ABCA5: variants seen among roughly 807,000 people sequenced by gnomAD.
The protein encoded by ABCA5 is ATP binding cassette subfamily A member 5.
In ABCA5, 163 loss-of-function variants were observed where a neutral mutation model predicts 206.0. That is an observed-to-expected ratio of 0.79 (90% confidence interval 0.70 to 0.90). The LOEUF (loss-of-function observed/expected upper bound fraction) is 0.90, where lower values mean the gene tolerates loss of function less well. ABCA5 is among the 40% of genes least tolerant of loss of function. ABCA5 has a pLI of 0.00. For missense variants in ABCA5, 1,859 were observed against 1,912.9 expected, an observed-to-expected ratio of 0.97 and a Z score of 0.53; for synonymous variants, 609 against 613.8, an observed-to-expected ratio of 0.99 and a Z score of 0.11.
At chr17:69,290,524 AG>A (rs796454472) in intron 12 of ABCA5, among the ~76,000 whole-genome samples, 124 of 152,296 alleles carry the variant, frequency 8.1e-4, no homozygotes, top group African/African-American at 2.9e-3. Context: ...AAGAATCATG[AG>A]GAAAAATCAT....
intron 23 of ABCA5, among the ~76,000 whole-genome samples, chr17:69,266,200 T>G (rs2075205842): frequency 6.6e-6 from 1 of 152,202 alleles, no homozygotes; most frequent in South Asian, 2.1e-4. Context: ...CATTTTACAT[T>G]TTTGAACTAT....
rs767326970 is a variant in ABCA5, at chr17:69,264,750, T to C, written c.3300A>G (p.Val1100=). 2.1e-5 allele frequency: 33 copies of C among 1,562,690 alleles called. No individual in the cohort carries two copies. Among genetic ancestry groups the C allele is most frequent in the Non-Finnish European group, 2.6e-5 (30 of 1,158,182 alleles). The change falls in exon 24 of 39, where the codon GTA becomes GTG. Residue 1100 remains valine, a synonymous_variant. Transcript: ENST00000392676. ...AFHYGLYFYT[V]KFLAVVFCLI... ...GTTAACTTACCACAGCAAGGAACTT[T>C]ACAGTATAAAAATATAATCCATAAT...
At chr17:69,263,015 G>C (rs1043366378) in intron 24 of ABCA5, among the ~76,000 whole-genome samples, 3 of 152,086 alleles carry the variant, frequency 2.0e-5, no homozygotes, top group African/African-American at 7.2e-5. Context: ...TCATACATTT[G>C]TTGTCCATTT....
intron 11 of ABCA5, among the ~76,000 whole-genome samples, chr17:69,293,833 G>GGTGTGTGTGTGTGT (rs61315865): frequency 1.2e-3 from 144 of 123,748 alleles, no homozygotes; most frequent in East Asian, 4.5e-3. Context: ...CAATCATACT[G>GGTGTGTGTGTGTGT]GTGTGTGTGT....
In ABCA5 at chr17:69,249,911, C is replaced by T. The variant is rs1360031777; in HGVS notation, c.4759G>A (p.Glu1587Lys). The change falls in exon 37 of 39, where the codon GAA (glutamate) becomes AAA (lysine). Residue 1587 changes from glutamate (E) to lysine (K), a missense_variant. Coordinates refer to ENST00000392676, the MANE Select transcript of ABCA5 (RefSeq NM_172232.4). ...QSLSQSFFKL[E>K]EAKHAFAIEE... is the part of the protein sequence containing the mutation. ...AATAGAAGATACTACTTACCTTCTTCCAGCTTAAAAAAAGATTGTGAAAGG... is the reference window on the plus strand; with the variant it reads ...AATAGAAGATACTACTTACCTTCTTTCAGCTTAAAAAAAGATTGTGAAAGG... The T allele has an allele frequency of 1.3e-6, 2 of 1,550,478 alleles. No individual in the cohort carries two copies. Among genetic ancestry groups the T allele is most frequent in the Non-Finnish European group, 1.7e-6 (2 of 1,150,578 alleles).
intron 31 of ABCA5, among the ~76,000 whole-genome samples, chr17:69,255,247 C>A (rs1190624086): frequency 6.6e-6 from 1 of 152,092 alleles, no homozygotes; most frequent in Non-Finnish European, 1.5e-5. Context: ...GCTCCCATAT[C>A]TCCTGAAGCT....
Position 69,247,561 on chromosome 17 carries a change from T to C in ABCA5, c.4905A>G (p.Thr1635=), listed in dbSNP as rs770138997. Residue 1635 remains threonine (T), a synonymous_variant, in exon 39 of 39, where the codon ACA becomes ACG. Transcript: ENST00000392676. ...TTCAAAATACTACTCTATCTTCTTGTGTTCGTTCCCACCAAAGTGTGCTGT... is the reference window on the plus strand; with the variant it reads ...TTCAAAATACTACTCTATCTTCTTGCGTTCGTTCCCACCAAAGTGTGCTGT... ...TLNSTLWWER[T]QEDRVVF The C allele has an allele frequency of 6.2e-7, 1 of 1,608,186 alleles. No homozygotes were observed. Among genetic ancestry groups the C allele is most frequent in the East Asian group, 2.2e-5 (1 of 44,488 alleles).
At chr17:69,296,496 T>TA (rs2075584709) in intron 10 of ABCA5, among the ~76,000 whole-genome samples, 1 of 152,194 alleles carries the variant, frequency 6.6e-6, no homozygotes, top group Admixed American at 6.5e-5. Flanking sequence ...CCTCAAACCC[T>TA]AAAAATCTAT....
intron 28 of ABCA5, among the ~76,000 whole-genome samples, chr17:69,257,285 C>T (rs573606878): frequency 6.7e-5 from 10 of 150,182 alleles, no homozygotes; most frequent in African/African-American, 9.8e-5. Flanking sequence ...GCAGAAGAAT[C>T]GTTTCAACCA....
rs2075094684 is a variant in ABCA5 at position 69,257,331 on chromosome 17, G to C, written c.3732-1048C>G. ...ATCATGCCACTGCACTCCAGCCTGG[G>C]TGACAGAGTGAGATTCCATCTCAAA... On this transcript the variant is annotated intron_variant, in intron 28 of 38. Transcript: ENST00000392676. 3.4e-5 allele frequency among the ~76,000 whole-genome samples: 5 copies of C among 148,454 alleles called. No individual in the cohort carries two copies. The South Asian group carries it at 1.1e-3, about 32-fold the overall frequency.
chr17:69,295,220 G>C (rs891240877), intron 10 of ABCA5, among the ~76,000 whole-genome samples: 3 of 152,188 alleles, frequency 2.0e-5, no homozygotes, highest in Middle Eastern at 3.4e-3. Context: ...ACAGGTAACC[G>C]CACCCACAGA....
chr17:69,261,371 A>T, intron 25 of ABCA5, 112 bp from the exon 26 acceptor site: 1 of 1,025,516 alleles, frequency 9.8e-7, no homozygotes, highest in African/African-American at 1.6e-5. Flanking sequence ...ATGGAACAAG[A>T]GATGATATTT....
intron 23 of ABCA5, 42 bp from the exon 24 acceptor site, chr17:69,264,947 T>C: frequency 7.7e-7 from 1 of 1,296,360 alleles, no homozygotes; most frequent in Non-Finnish European, 1.0e-6. Context: ...TTTAGACACT[T>C]TAGAAACACA....
At chr17:69,318,955 A>C (rs2075841012) in intron 1 of ABCA5, 1 of 590,924 alleles carries the variant, frequency 1.7e-6, no homozygotes, top group Non-Finnish European at 3.1e-6. Flanking sequence ...AAGCCTTGGA[A>C]CAAGTATAAA....
At chr17:69,291,194 T>A in intron 12 of ABCA5, 22 bp downstream of exon 12, 1 of 1,499,182 alleles carries the variant, frequency 6.7e-7, no homozygotes, top group South Asian at 1.3e-5. Flanking sequence ...AAGTTTTTTT[T>A]TCTTTAAGAC....
chr17:69,276,125 T>C (rs1340194656), intron 19 of ABCA5, among the ~76,000 whole-genome samples: 2 of 150,140 alleles, frequency 1.3e-5, no homozygotes, highest in Non-Finnish European at 3.0e-5. Flanking sequence ...TCTCACTCTG[T>C]TGCCAGGCTG....
intron 1 of ABCA5, among the ~76,000 whole-genome samples, chr17:69,324,363 C>T (rs1433227873): frequency 6.6e-6 from 1 of 152,154 alleles, no homozygotes; most frequent in Non-Finnish European, 1.5e-5. Context: ...TTGTGAAGAA[C>T]AGGGATACCT....
chr17:69,302,344 A>G (rs2075660961), intron 8 of ABCA5, among the ~76,000 whole-genome samples: 1 of 152,188 alleles, frequency 6.6e-6, no homozygotes, highest in Admixed American at 6.5e-5. Context: ...TGCTCCACAC[A>G]CAATTTTCTC....
chr17:69,265,834 T>A (rs1362026169), intron 23 of ABCA5, among the ~76,000 whole-genome samples: 1 of 152,224 alleles, frequency 6.6e-6, no homozygotes, highest in Non-Finnish European at 1.5e-5. Flanking sequence ...ACACTGCTGG[T>A]AGGGATAACA....
Sources: allele counts gnomAD v4.1 joint callset (sites outside exome capture counted in the v4.1 genomes callset), GRCh38; gene constraint gnomAD v4.1.1; transcripts MANE v1.5; gene names NCBI Gene and HGNC (gene_info 2026-07-23, HGNC 2026-07-21).